Variants in NXPH1 observed in about 807,000 individuals in gnomAD.
NXPH1 encodes neurexophilin-1.
A neutral mutation model predicts 23.7 loss-of-function variants in NXPH1; 5 were observed. The ratio of observed to expected loss-of-function variants is 0.21; its 90% CI spans 0.11 to 0.44. The LOEUF (loss-of-function observed/expected upper bound fraction) is 0.44. NXPH1 is among the 20% of genes least tolerant of loss of function. The pLI, the probability that NXPH1 is intolerant of heterozygous loss-of-function variation, is 0.99. For synonymous variants in NXPH1, 144 were observed against 122.2 expected (o/e 1.18, Z -1.18); for missense variants, 324 against 321.6 (o/e 1.01, Z -0.06).
At position 8,613,288 on chromosome 7, in the gene NXPH1, T is replaced by C. The variant is rs978472664; in HGVS notation, c.55-137720T>C. The stretch of plus-strand genomic sequence containing the variant: ...TTTAAATGCTAGCAAATCCAGTAAC[T>C]CAAAAGCTTTCAAATATAGTCTATT... On this transcript the variant is annotated intron_variant, in intron 2 of 2. Transcript: ENST00000405863. Among the ~76,000 whole-genome samples, 16 of 152,102 alleles carry C rather than the reference T, an allele frequency of 1.1e-4. No individual in the cohort carries two copies. The East Asian group carries it at 2.5e-3, about 24-fold the overall frequency.
chr7:8,707,309 C>T (rs1256556176), intron 2 of NXPH1, among the ~76,000 whole-genome samples: 2 of 152,154 alleles, frequency 1.3e-5, no homozygotes, highest in Admixed American at 6.5e-5. Flanking sequence ...ATTCAAGACC[C>T]ATCTTAAATA....
intron 2 of NXPH1, among the ~76,000 whole-genome samples, chr7:8,656,532 G>T (rs1820585252): frequency 6.7e-6 from 1 of 148,872 alleles, no homozygotes. Flanking sequence ...TTTTCAGAGG[G>T]TGGTTTTTCT....
chr7:8,473,110 G>C (rs746837943), intron 2 of NXPH1, among the ~76,000 whole-genome samples: 6 of 152,142 alleles, frequency 3.9e-5, no homozygotes, highest in Non-Finnish European at 8.8e-5. Context: ...TGGCATAACT[G>C]ATGGTCTTTT....
intron 2 of NXPH1, among the ~76,000 whole-genome samples, chr7:8,693,830 G>A (rs913230145): frequency 6.6e-6 from 1 of 152,022 alleles, no homozygotes; most frequent in Non-Finnish European, 1.5e-5. Flanking sequence ...TGGGATCTCT[G>A]CATAATTTTT....
chr7:8,742,246 T>C lies in NXPH1; in HGVS notation c.55-8762T>C, dbSNP rs1005120062. ...CCTATATGAACTTCTTTTAAAGTAA[T>C]CATACAAATATATACACCCAGAAAA... On this transcript the variant is annotated intron_variant, in intron 2 of 2. Transcript: ENST00000405863. 3.3e-5 allele frequency among the ~76,000 whole-genome samples: 5 copies of C among 152,068 alleles called. No homozygotes were observed. In the South Asian group the frequency reaches 8.3e-4, roughly 25 times the overall value.
At chr7:8,626,545 T>C (rs1450957750) in intron 2 of NXPH1, among the ~76,000 whole-genome samples, 1 of 152,078 alleles carries the variant, frequency 6.6e-6, no homozygotes, top group Non-Finnish European at 1.5e-5. Context: ...TTTAAATTAC[T>C]CCTTACAATG....
intron 2 of NXPH1, among the ~76,000 whole-genome samples, chr7:8,474,693 T>A (rs1748645544): frequency 1.3e-5 from 2 of 152,160 alleles, no homozygotes; most frequent in Non-Finnish European, 2.9e-5. Context: ...ACTCTCAAGG[T>A]TTCACTCAAT....
At chr7:8,620,172 G>C (rs1258287535) in intron 2 of NXPH1, among the ~76,000 whole-genome samples, 1 of 150,368 alleles carries the variant, frequency 6.7e-6, no homozygotes, top group African/African-American at 2.5e-5. Context: ...AAACACAGAA[G>C]CACAGTTCTA....
chr7:8,567,970 T>C (rs983667658), intron 2 of NXPH1, among the ~76,000 whole-genome samples: 18 of 151,890 alleles, frequency 1.2e-4, no homozygotes, highest in African/African-American at 4.3e-4. Context: ...TAGAAAATAA[T>C]TTGGCCGAAT....
chr7:8,561,593 C>T (rs942554838), intron 2 of NXPH1, among the ~76,000 whole-genome samples: 4 of 151,536 alleles, frequency 2.6e-5, no homozygotes, highest in Non-Finnish European at 5.9e-5. Context: ...GTATAGGGAG[C>T]CTGTTGGCAG....
At chr7:8,741,143 G>A (rs564609257) in intron 2 of NXPH1, among the ~76,000 whole-genome samples, 187 of 152,212 alleles carry the variant, frequency 1.2e-3, no homozygotes, top group African/African-American at 4.2e-3. Flanking sequence ...AGATCATGCA[G>A]TATTTGTTTC....
At chr7:8,676,014 T>G (rs1434308704) in intron 2 of NXPH1, among the ~76,000 whole-genome samples, 2 of 152,122 alleles carry the variant, frequency 1.3e-5, no homozygotes, top group Admixed American at 1.3e-4. Flanking sequence ...GGGATAGGCT[T>G]TAGATTTGCA....
intron 2 of NXPH1, among the ~76,000 whole-genome samples, chr7:8,560,549 T>C (rs961612009): frequency 2.6e-5 from 4 of 151,816 alleles, no homozygotes; most frequent in African/African-American, 9.6e-5. Context: ...TATTACCCTT[T>C]CTGCAGTGTG....
intron 2 of NXPH1, among the ~76,000 whole-genome samples, chr7:8,651,114 C>A (rs755061445): frequency 2.7e-4 from 40 of 149,314 alleles, no homozygotes; most frequent in Non-Finnish European, 5.8e-4. Context: ...CAATGCTATC[C>A]CTCCCCACTC....
At chr7:8,462,317 C>G (rs4725094) in intron 2 of NXPH1, among the ~76,000 whole-genome samples, 66,584 of 152,138 alleles carry the variant, frequency 0.44, 14,677 homozygotes, top group East Asian at 0.63. Flanking sequence ...AAAGTTCTGT[C>G]ATTACAGGCG....
chr7:8,660,510 G>A (rs1368023934), intron 2 of NXPH1, among the ~76,000 whole-genome samples: 1 of 152,190 alleles, frequency 6.6e-6, no homozygotes, highest in Non-Finnish European at 1.5e-5. Flanking sequence ...GAATTTTAAA[G>A]ATTGCAATGC....
chr7:8,436,783 T>C (rs1391016595), intron 2 of NXPH1, among the ~76,000 whole-genome samples: 1 of 152,122 alleles, frequency 6.6e-6, no homozygotes, highest in Admixed American at 6.5e-5. Context: ...GCCCGAACTC[T>C]CTGATGGGCT....
At chr7:8,717,894 G>GTATATATATA (rs3059127) in intron 2 of NXPH1, among the ~76,000 whole-genome samples, 5,843 of 147,020 alleles carry the variant, frequency 0.04, 127 homozygotes, top group South Asian at 0.061. Context: ...CTCTCTGTGT[G>GTATATATATA]TATATATATA....
In NXPH1 at chr7:8,728,967, C is replaced by T. The variant is rs1028986038; in HGVS notation, c.55-22041C>T. On this transcript the variant is annotated intron_variant, in intron 2 of 2. Transcript: ENST00000405863. ...GAATTCGGCTGTGAATCCATCTGGT[C>T]CTGGACTCTTTTTGGTTGGTAAGCT... Among the ~76,000 whole-genome samples, 11 of 134,100 alleles carry T rather than the reference C, an allele frequency of 8.2e-5. No individual in the cohort carries two copies. In the East Asian group the frequency reaches 2.1e-3, roughly 26 times the overall value. The allele number at this position is 134,100 out of a possible 152,430, so 88.0% of individuals were successfully genotyped here. A position where few individuals can be genotyped will look rare whatever the true frequency, so the allele number is the denominator to read the frequency against.
Sources: gnomAD v4.1 joint callset for allele counts (sites outside exome capture counted in the v4.1 genomes callset) on GRCh38, gnomAD v4.1.1 for gene constraint, MANE v1.5 for transcripts, NCBI Gene and HGNC (gene_info 2026-07-23, HGNC 2026-07-21) for gene names.